The following SPATA3 variants were observed in gnomAD, a reference collection of about 807,000 sequenced individuals.
SPATA3 encodes spermatogenesis-associated protein 3.
Under a neutral mutation model 5.7 loss-of-function variants are expected in SPATA3, and 6 were observed. The observed-to-expected ratio is 1.06, with a 90% CI of 0.58 to 2.09. The LOEUF is 2.09. Ranked by LOEUF, SPATA3 falls within the 30% of genes most tolerant of loss-of-function variation. The pLI is 0.00. For missense variants in SPATA3, 155 were observed against 130.4 expected (o/e 1.19, Z -0.92); for synonymous variants, 44 against 48.4 (o/e 0.91, Z 0.37).
At chr2:231,004,423 T>A (rs1318685317), downstream of SPATA3, among the ~76,000 whole-genome samples, 1 of 152,156 alleles carries the variant, frequency 6.6e-6, no homozygotes, top group Non-Finnish European at 1.5e-5. Flanking sequence ...TGCCGGCTCC[T>A]TTCTTGACTC....
chr2:231,001,129 C>T (rs1458566716), intron 2 of SPATA3, among the ~76,000 whole-genome samples: 1 of 152,172 alleles, frequency 6.6e-6, no homozygotes, highest in Non-Finnish European at 1.5e-5. Flanking sequence ...GGTGGCGGCC[C>T]CCATGACATC....
chr2:231,011,461 G>A (rs1692786001), downstream of SPATA3, among the ~76,000 whole-genome samples: 1 of 152,182 alleles, frequency 6.6e-6, no homozygotes, highest in African/African-American at 2.4e-5. Flanking sequence ...AAGTGCAGAA[G>A]AAAGTCCAGG....
intron 1 of SPATA3, among the ~76,000 whole-genome samples, chr2:230,997,949 G>A (rs1205055275): frequency 6.6e-6 from 1 of 152,192 alleles, no homozygotes; most frequent in Non-Finnish European, 1.5e-5. Flanking sequence ...AGGCTCATAG[G>A]AGTCAAACAG....
chr2:231,004,638 A>G (rs569431132), downstream of SPATA3, among the ~76,000 whole-genome samples: 1 of 152,258 alleles, frequency 6.6e-6, no homozygotes, highest in African/African-American at 2.4e-5. Flanking sequence ...CCCGAGTTAA[A>G]GCATTTTCTC....
chr2:230,999,891 A>G (rs1434044195), intron 1 of SPATA3: 1 of 163,456 alleles, frequency 6.1e-6, no homozygotes, highest in Non-Finnish European at 1.5e-5. Flanking sequence ...TCTGTAATCT[A>G]CTCCCCAAAA....
chr2:231,019,281 T>C (rs1322557124), intron 6 of SPATA3, among the ~76,000 whole-genome samples: 1 of 150,906 alleles, frequency 6.6e-6, no homozygotes, highest in Non-Finnish European at 1.5e-5. Flanking sequence ...GATTTTTCTT[T>C]TTTTAACTAT....
chr2:231,015,134 A>C (rs1260818567), intron 6 of SPATA3, among the ~76,000 whole-genome samples: 1 of 151,862 alleles, frequency 6.6e-6, no homozygotes, highest in Non-Finnish European at 1.5e-5. Flanking sequence ...CTGAGGAGAG[A>C]GGGAGCACCA....
rs942214752 is a variant in SPATA3 at position 231,000,383 on chromosome 2, G to A, written c.808G>A (p.Gly270Ser). The A allele has an allele frequency of 1.6e-5, 25 of 1,519,070 alleles. 1 individual carries two copies. The highest frequency in any genetic ancestry group is 1.1e-4 in the South Asian group (9 of 80,632). 94.1% of individuals were successfully genotyped at this position (1,519,070 alleles called of 1,614,324 possible). A position where few individuals can be genotyped will look rare whatever the true frequency, so the allele number is the denominator to read the frequency against. The change falls in exon 2 of 3, where the codon GGC becomes AGC. Residue 270 changes from glycine to serine, a missense_variant. Coordinates refer to ENST00000645363, the Ensembl canonical transcript of SPATA3. ...CCCCACAGGGCCTCTGATTCGCGCC[G>A]GCCCGCATTCCTGCTCCTGTGCCAC...
In SPATA3 at chr2:231,000,487, C is replaced by T. The variant is rs35125169; in HGVS notation, c.912C>T (p.Asp304=). 1,880 of 1,549,514 alleles carry T rather than the reference C, an allele frequency of 1.2e-3. 23 individuals are homozygous for T. The African/African-American group carries it at 0.022, about 18-fold the overall frequency. Residue 304 remains aspartate (D), a synonymous_variant, in exon 2 of 3, where the codon GAC becomes GAT. Coordinates refer to ENST00000645363, the Ensembl canonical transcript of SPATA3. ...TCTTCGATGTCCTTCTGCCTCGGGA[C>T]TGGCAGATGGCGCCAGGGAGAGGAC...
downstream of SPATA3, among the ~76,000 whole-genome samples, chr2:231,011,263 C>T (rs1264631268): frequency 1.3e-5 from 2 of 152,008 alleles, no homozygotes; most frequent in East Asian, 1.9e-4. Context: ...TACAAGCATA[C>T]GCCACCACAT....
At chr2:231,007,809 C>T (rs921044941), downstream of SPATA3, among the ~76,000 whole-genome samples, 1 of 152,148 alleles carries the variant, frequency 6.6e-6, no homozygotes, top group Non-Finnish European at 1.5e-5. Context: ...AATCTTAGTT[C>T]AAGGTGATCC....
chr2:231,005,322 TCAC>T (rs1692548853), downstream of SPATA3, among the ~76,000 whole-genome samples: 2 of 14,808 alleles, frequency 1.4e-4, no homozygotes, highest in Admixed American at 7.3e-4. Context: ...ACCATCATCA[TCAC>T]CATCATCACC....
intron 1 of SPATA3, among the ~76,000 whole-genome samples, chr2:230,997,212 C>T (rs983139276): frequency 7.2e-5 from 11 of 152,120 alleles, no homozygotes; most frequent in African/African-American, 1.2e-4. Context: ...AGGGTCTTTT[C>T]CGTGGTGTTC....
intron 2 of SPATA3, 55 bp downstream of exon 2, chr2:231,000,592 C>T (rs942381810): frequency 7.8e-6 from 11 of 1,412,928 alleles, no homozygotes; most frequent in Non-Finnish European, 9.3e-6. Flanking sequence ...GGGCCAGGCT[C>T]TGCCCCCAGA....
At chr2:231,005,499 TC>T (rs1692578463), downstream of SPATA3, among the ~76,000 whole-genome samples, 1 of 25,668 alleles carries the variant, frequency 3.9e-5, no homozygotes, top group Non-Finnish European at 8.7e-5. Flanking sequence ...ATCACCACCA[TC>T]ATCACCACCA....
chr2:231,011,107 C>T (rs571200552), downstream of SPATA3, among the ~76,000 whole-genome samples: 95 of 128,204 alleles, frequency 7.4e-4, no homozygotes, highest in Admixed American at 2.4e-3. Context: ...AAAAGAAAGC[C>T]ATCAATCAAT....
At chr2:230,999,965 C>A (rs541651872) in intron 1 of SPATA3, among the ~76,000 whole-genome samples, 1 of 152,306 alleles carries the variant, frequency 6.6e-6, no homozygotes, top group East Asian at 1.9e-4. Flanking sequence ...CCAGCAGTAT[C>A]CCCTTTACAG....
rs146996210 is a variant in SPATA3 at position 231,002,670 on chromosome 2, G to T, written c.963-14G>T. On this transcript the variant is annotated splice_polypyrimidine_tract_variant and intron_variant, in intron 2 of 2. Coordinates refer to ENST00000645363, the Ensembl canonical transcript of SPATA3. ...CCAGCTTCCCACCACCCCCACTTCT[G>T]CTTTGCTCTACAGAAAATCTTCAAG... is the stretch of plus-strand genomic sequence containing the variant. 36 of 1,477,946 alleles carry T rather than the reference G, an allele frequency of 2.4e-5. No homozygotes were observed. The highest frequency in any genetic ancestry group is 3.2e-5 in the Non-Finnish European group (35 of 1,107,622). 91.6% of individuals were successfully genotyped at this position (1,477,946 alleles called of 1,614,324 possible).
chr2:231,014,450 G>T (rs1692876458), intron 6 of SPATA3, among the ~76,000 whole-genome samples: 2 of 152,128 alleles, frequency 1.3e-5, no homozygotes, highest in Admixed American at 1.3e-4. Context: ...TCTTTGCTAT[G>T]CACTGCGACT....
Sources: gnomAD v4.1 joint callset for allele counts (sites outside exome capture counted in the v4.1 genomes callset) on GRCh38, gnomAD v4.1.1 for gene constraint, MANE v1.5 for transcripts, NCBI Gene and HGNC (gene_info 2026-07-23, HGNC 2026-07-21) for gene names.